Variants in MEGF9 observed in about 807,000 individuals in gnomAD.
MEGF9 encodes the protein multiple EGF like domains 9.
A neutral mutation model predicts 46.8 loss-of-function variants in MEGF9; 6 were observed. The observed-to-expected ratio is 0.13, with a 90% CI of 0.07 to 0.25. The LOEUF (loss-of-function observed/expected upper bound fraction) is 0.25, where lower values mean the gene tolerates loss of function less well. MEGF9 is among the 10% of genes least tolerant of loss of function. The probability of loss-of-function intolerance (pLI) is 1.00; values close to 1 mark genes in which losing one functional copy is unlikely to be tolerated. For missense variants in MEGF9, 683 were observed against 792.4 expected (o/e 0.86, Z 1.66); for synonymous variants, 302 against 330.7 (o/e 0.91, Z 0.94).
Position 120,714,246 on chromosome 9 carries a change from G to T in MEGF9, c.113C>A (p.Ala38Glu). ...AAAAVASAAS[A>E]GNVTGGGGAA... Reference sequence around the variant, plus strand: ...CCCGCCGCCACCGGTGACATTCCCCGCCGAGGCGGCTGAGGCGACGGCGGC... The same window carrying T: ...CCCGCCGCCACCGGTGACATTCCCCTCCGAGGCGGCTGAGGCGACGGCGGC... The change falls in exon 1 of 6, where the codon GCG (alanine) becomes GAG (glutamate). Residue 38 changes from alanine to glutamate, a missense_variant. By Grantham distance (107) the Ala-to-Glu change is moderately radical (BLOSUM62 -1). Around this residue, in one of 2 missense-constraint regions of MEGF9, gnomAD observed 370 missense variants for 371.3 expected, o/e 1.00. Coordinates refer to ENST00000373930, the MANE Select transcript of MEGF9 (RefSeq NM_001080497.3). The T allele has an allele frequency of 8.2e-7, 1 of 1,224,700 alleles. No individual in the cohort carries two copies. The highest frequency in any genetic ancestry group is 1.7e-5 in the African/African-American group (1 of 58,556). The allele number at this position is 1,224,700 out of a possible 1,614,324, so 75.9% of individuals were successfully genotyped here. A position where few individuals can be genotyped will look rare whatever the true frequency, so the allele number is the denominator to read the frequency against.
chr9:120,681,003 C>T (rs1006329706), intron 1 of MEGF9, among the ~76,000 whole-genome samples: 1 of 152,156 alleles, frequency 6.6e-6, no homozygotes, highest in Admixed American at 6.5e-5. Context: ...TCAGGGACCT[C>T]AAGAGCCCAT....
intron 2 of MEGF9, among the ~76,000 whole-genome samples, chr9:120,650,592 T>A (rs180939116): frequency 5.3e-5 from 8 of 152,328 alleles, no homozygotes; most frequent in Admixed American, 4.6e-4. Flanking sequence ...CTGGGGTGAC[T>A]CCCACTGAAA....
intron 1 of MEGF9, among the ~76,000 whole-genome samples, chr9:120,666,279 C>T (rs991344621): frequency 3.9e-5 from 6 of 152,178 alleles, no homozygotes; most frequent in Middle Eastern, 3.4e-3. Flanking sequence ...AGAGCACTGG[C>T]CATTCAAGTT....
At chr9:120,675,503 G>A (rs1427355133) in intron 1 of MEGF9, among the ~76,000 whole-genome samples, 1 of 152,062 alleles carries the variant, frequency 6.6e-6, no homozygotes, top group Non-Finnish European at 1.5e-5. Context: ...TAAAGTGAGA[G>A]GATGGCTTAA....
chr9:120,681,022 C>G (rs2043796703), intron 1 of MEGF9, among the ~76,000 whole-genome samples: 1 of 152,184 alleles, frequency 6.6e-6, no homozygotes, highest in African/African-American at 2.4e-5. Context: ...ATTTATTGCT[C>G]TATCCTACCA....
intron 2 of MEGF9, among the ~76,000 whole-genome samples, chr9:120,650,470 C>G (rs56331312): frequency 0.016 from 2,425 of 152,206 alleles, 63 homozygotes; most frequent in African/African-American, 0.055. Flanking sequence ...GGTTGGAACA[C>G]CAATGGTGAT....
chr9:120,636,849 G>A lies in MEGF9; in HGVS notation c.804-14094C>T, dbSNP rs1041533212. On this transcript the variant is annotated intron_variant, in intron 2 of 5. Coordinates refer to ENST00000373930, the MANE Select transcript of MEGF9 (RefSeq NM_001080497.3). ...CCCCCGCCCGGCAGCCGCCCCGTCT[G>A]GGGGGTGGGGGGGCCCCTCTGCCCG... Among the ~76,000 whole-genome samples, 7 of 115,458 alleles carry A rather than the reference G, an allele frequency of 6.1e-5. No individual in the cohort carries two copies. The East Asian group carries it at 2.1e-3, about 35-fold the overall frequency. The allele number at this position is 115,458 out of a possible 152,430, so 75.7% of individuals were successfully genotyped here.
chr9:120,618,372 G>C (rs1362079674), intron 3 of MEGF9, among the ~76,000 whole-genome samples: 3 of 152,192 alleles, frequency 2.0e-5, no homozygotes, highest in Non-Finnish European at 4.4e-5. Context: ...TTGGGGAGTA[G>C]AGGATTGGTC....
chr9:120,619,964 T>C (rs2043490864), intron 3 of MEGF9, among the ~76,000 whole-genome samples: 1 of 152,136 alleles, frequency 6.6e-6, no homozygotes, highest in Admixed American at 6.5e-5. Context: ...CTGTTGAAAA[T>C]AAAGTCACTT....
At chr9:120,628,340 G>GA (rs34390175) in intron 2 of MEGF9, among the ~76,000 whole-genome samples, 1 of 151,476 alleles carries the variant, frequency 6.6e-6, no homozygotes, top group Non-Finnish European at 1.5e-5. Flanking sequence ...GCTTCTGGAG[G>GA]AAAAAAAGGA....
intron 3 of MEGF9, among the ~76,000 whole-genome samples, chr9:120,621,664 AT>A (rs947187127): frequency 1.3e-5 from 2 of 151,336 alleles, no homozygotes; most frequent in African/African-American, 4.9e-5. Flanking sequence ...TCCATTGCTC[AT>A]TTTTTTTCTC....
At chr9:120,622,175 G>A (rs2043502693) in intron 3 of MEGF9, among the ~76,000 whole-genome samples, 1 of 152,144 alleles carries the variant, frequency 6.6e-6, no homozygotes, top group African/African-American at 2.4e-5. Flanking sequence ...CTGGCCTTGT[G>A]TTTGGGGATC....
intron 1 of MEGF9, among the ~76,000 whole-genome samples, chr9:120,683,439 T>C (rs2043807743): frequency 6.6e-6 from 1 of 152,190 alleles, no homozygotes; most frequent in South Asian, 2.1e-4. Flanking sequence ...GCAGTTTCCC[T>C]CATGCTCTTC....
intron 1 of MEGF9, among the ~76,000 whole-genome samples, chr9:120,685,745 A>C (rs543673762): frequency 6.6e-6 from 1 of 152,352 alleles, no homozygotes; most frequent in African/African-American, 2.4e-5. Flanking sequence ...AACTAAAAGC[A>C]ATGCCTCGAA....
chr9:120,670,646 T>C (rs1196181222), intron 1 of MEGF9, among the ~76,000 whole-genome samples: 2 of 152,216 alleles, frequency 1.3e-5, no homozygotes, highest in East Asian at 1.9e-4. Flanking sequence ...TCATGGAAAC[T>C]GAGACCTTCT....
intron 1 of MEGF9, among the ~76,000 whole-genome samples, chr9:120,709,709 G>A (rs1213336067): frequency 6.6e-6 from 1 of 152,156 alleles, no homozygotes; most frequent in African/African-American, 2.4e-5. Flanking sequence ...AGGAGGTAGT[G>A]GCATTTAAAG....
chr9:120,713,777 G>A lies in MEGF9; in HGVS notation c.582C>T (p.Ala194=). The A allele has an allele frequency of 7.7e-7, 1 of 1,294,062 alleles. No individual in the cohort carries two copies. The highest frequency in any genetic ancestry group is 3.1e-5 in the South Asian group (1 of 32,162). 80.2% of individuals were successfully genotyped at this position (1,294,062 alleles called of 1,614,324 possible). Residue 194 remains alanine (A), a synonymous_variant, in exon 1 of 6, where the codon GCC becomes GCT. Coordinates refer to ENST00000373930, the MANE Select transcript of MEGF9 (RefSeq NM_001080497.3). ...ACTCACCTGGAGGAGGCGAAGAGGGGGCCTCGGTGGCAGGTGGGGTGGGGA... is the reference window on the plus strand; with the variant it reads ...ACTCACCTGGAGGAGGCGAAGAGGGAGCCTCGGTGGCAGGTGGGGTGGGGA... The part of the protein sequence containing the change: ...SVLPTPPATE[A]PSSPPPEYVC...
intron 2 of MEGF9, among the ~76,000 whole-genome samples, chr9:120,646,356 C>T (rs1280571331): frequency 6.6e-6 from 1 of 152,120 alleles, no homozygotes; most frequent in Non-Finnish European, 1.5e-5. Context: ...TCCGTCTGGC[C>T]CTAAAGGCTC....
chr9:120,693,184 C>CAA (rs970051797), intron 1 of MEGF9, among the ~76,000 whole-genome samples: 1 of 138,860 alleles, frequency 7.2e-6, no homozygotes, highest in Non-Finnish European at 1.5e-5. Context: ...AATGTAAAGT[C>CAA]AAACAGAAGC....
Sources: gnomAD v4.1 joint callset for allele counts (sites outside exome capture counted in the v4.1 genomes callset) on GRCh38, gnomAD v4.1.1 for gene constraint, gnomAD v4.1.1 regional missense constraint, MANE v1.5 for transcripts, NCBI Gene and HGNC (gene_info 2026-07-23, HGNC 2026-07-21) for gene names.